The following PPP1R9A variants were observed in gnomAD, a reference collection of about 807,000 sequenced individuals.
The protein encoded by PPP1R9A is neurabin-1.
PPP1R9A carries 59 observed loss-of-function variants against 141.9 expected under a neutral mutation model. That is an observed-to-expected ratio of 0.42 (90% CI 0.34 to 0.52). The LOEUF (loss-of-function observed/expected upper bound fraction) is 0.52, where lower values mean the gene tolerates loss of function less well. Among genes scored for constraint, PPP1R9A ranks in the 20% least tolerant of loss-of-function variants. The pLI is 0.10. For missense variants in PPP1R9A, 1,444 were observed against 1,611.9 expected, an observed-to-expected ratio of 0.90 and a Z score of 1.78; for synonymous variants, 500 against 569.7, an observed-to-expected ratio of 0.88 and a Z score of 1.74.
At chr7:94,965,581 A>G (rs528776898) in intron 2 of PPP1R9A, among the ~76,000 whole-genome samples, 33 of 151,930 alleles carry the variant, frequency 2.2e-4, no homozygotes, top group Non-Finnish European at 4.0e-4. Context: ...TAGGGAATCC[A>G]TTACCCATTG....
At chr7:94,913,345 A>G (rs149006364) in intron 2 of PPP1R9A, among the ~76,000 whole-genome samples, 314 of 152,272 alleles carry the variant, frequency 2.1e-3, no homozygotes, top group African/African-American at 7.4e-3. Context: ...TTGTGCTATG[A>G]TTGCTTATAA....
chr7:95,266,153 A>G (rs1385519484), intron 12 of PPP1R9A, among the ~76,000 whole-genome samples: 2 of 152,096 alleles, frequency 1.3e-5, no homozygotes, highest in East Asian at 1.9e-4. Context: ...TGGGTTCCAT[A>G]CCAGATCCTC....
chr7:95,253,296 C>T (rs539790841), intron 12 of PPP1R9A, among the ~76,000 whole-genome samples: 20 of 152,212 alleles, frequency 1.3e-4, no homozygotes, highest in Admixed American at 9.2e-4. Context: ...TTAGTTTTTT[C>T]GTGATCTTTC....
At position 95,187,544 on chromosome 7, in the gene PPP1R9A, C is replaced by T. The variant is rs554996473; in HGVS notation, c.1755-10805C>T. 2.6e-5 allele frequency among the ~76,000 whole-genome samples: 4 copies of T among 151,742 alleles called. No homozygotes were observed. In the South Asian group the frequency reaches 8.3e-4, roughly 31 times the overall value. On this transcript the variant is annotated intron_variant, in intron 5 of 19. Transcript: ENST00000433360. ...CTGCTCTAATGTTGGTTCTTTTCTT[C>T]TGCTGGGTTTGGATTTTGTTCTTTC... is the stretch of plus-strand genomic sequence containing the variant.
At chr7:95,049,187 T>A (rs1302453948) in intron 2 of PPP1R9A, among the ~76,000 whole-genome samples, 1 of 152,132 alleles carries the variant, frequency 6.6e-6, no homozygotes, top group Non-Finnish European at 1.5e-5. Flanking sequence ...AGGTCACATG[T>A]GGAATAAACT....
At chr7:95,216,371 T>C (rs1793421394) in intron 7 of PPP1R9A, among the ~76,000 whole-genome samples, 1 of 152,176 alleles carries the variant, frequency 6.6e-6, no homozygotes, top group South Asian at 2.1e-4. Context: ...TACTGTAGCC[T>C]TGTAGTATAG....
At chr7:95,235,702 T>C (rs1306544867) in intron 8 of PPP1R9A, among the ~76,000 whole-genome samples, 2 of 152,172 alleles carry the variant, frequency 1.3e-5, no homozygotes, top group Non-Finnish European at 2.9e-5. Flanking sequence ...CATACATTTT[T>C]ATAGCAGTAC....
At chr7:94,941,552 A>C (rs1795330925) in intron 2 of PPP1R9A, among the ~76,000 whole-genome samples, 1 of 152,032 alleles carries the variant, frequency 6.6e-6, no homozygotes, top group African/African-American at 2.4e-5. Flanking sequence ...GTTTATCTAA[A>C]TGCTCTTAAA....
intron 2 of PPP1R9A, among the ~76,000 whole-genome samples, chr7:94,944,835 G>A (rs1795724165): frequency 6.6e-6 from 1 of 151,916 alleles, no homozygotes; most frequent in Admixed American, 6.6e-5. Context: ...GATGTATATG[G>A]AAAGTTAGAT....
chr7:95,242,412 A>G (rs2374983), intron 8 of PPP1R9A, among the ~76,000 whole-genome samples: 59,406 of 152,010 alleles, frequency 0.39, 12,328 homozygotes, highest in South Asian at 0.5. Context: ...CATTTCCTGC[A>G]AAGATATTTT....
chr7:95,207,383 T>G (rs1380028432), intron 7 of PPP1R9A, among the ~76,000 whole-genome samples: 2 of 152,118 alleles, frequency 1.3e-5, no homozygotes, highest in Non-Finnish European at 2.9e-5. Flanking sequence ...GCAGTAAAAC[T>G]TTGACAGTGT....
chr7:95,169,827 AT>A (rs1286454607), intron 5 of PPP1R9A, among the ~76,000 whole-genome samples: 1 of 151,930 alleles, frequency 6.6e-6, no homozygotes, highest in East Asian at 1.9e-4. Flanking sequence ...ATTACAAAAA[AT>A]ATCTTTATAT....
chr7:95,064,937 G>C (rs929616691), intron 2 of PPP1R9A, among the ~76,000 whole-genome samples: 3 of 152,052 alleles, frequency 2.0e-5, no homozygotes, highest in Non-Finnish European at 4.4e-5. Flanking sequence ...TAGTACTTCA[G>C]GTACATAATT....
intron 2 of PPP1R9A, among the ~76,000 whole-genome samples, chr7:95,045,939 C>T (rs1213850433): frequency 2.0e-5 from 3 of 152,030 alleles, no homozygotes; most frequent in African/African-American, 7.2e-5. Flanking sequence ...CTGAATTTAA[C>T]GGGTTATTAA....
At chr7:94,986,714 C>A (rs912204023) in intron 2 of PPP1R9A, among the ~76,000 whole-genome samples, 3 of 152,160 alleles carry the variant, frequency 2.0e-5, no homozygotes, top group African/African-American at 7.2e-5. Context: ...TGAAATAGCA[C>A]ACTGTATTCC....
At chr7:95,199,806 G>A (rs975050114) in intron 6 of PPP1R9A, among the ~76,000 whole-genome samples, 3 of 152,072 alleles carry the variant, frequency 2.0e-5, no homozygotes, top group African/African-American at 7.2e-5. Context: ...TTTTGAACTT[G>A]TATCTTACCT....
At chr7:94,947,466 C>T (rs1170876771) in intron 2 of PPP1R9A, among the ~76,000 whole-genome samples, 1 of 152,154 alleles carries the variant, frequency 6.6e-6, no homozygotes, top group East Asian at 1.9e-4. Context: ...GTGGCATTTT[C>T]TACAGCTACA....
intron 4 of PPP1R9A, among the ~76,000 whole-genome samples, chr7:95,153,130 A>T (rs1380725469): frequency 2.6e-5 from 4 of 152,114 alleles, no homozygotes; most frequent in Admixed American, 6.5e-5. Flanking sequence ...GATTACACGC[A>T]TGAGCCACTG....
intron 5 of PPP1R9A, among the ~76,000 whole-genome samples, chr7:95,166,577 CA>C (rs1203285305): frequency 2.6e-5 from 4 of 152,190 alleles, no homozygotes; most frequent in African/African-American, 9.7e-5. Context: ...CAAATTCTAG[CA>C]AACTTTCAAA....
Sources: allele counts gnomAD v4.1 joint callset (sites outside exome capture counted in the v4.1 genomes callset), GRCh38; gene constraint gnomAD v4.1.1; transcripts MANE v1.5; gene names NCBI Gene and HGNC (gene_info 2026-07-23, HGNC 2026-07-21).